IVD: variants seen among roughly 807,000 people sequenced by gnomAD.
The protein encoded by IVD is isovaleryl-CoA dehydrogenase, mitochondrial.
A neutral mutation model predicts 51.3 loss-of-function variants in IVD; 31 were observed. The observed-to-expected ratio is 0.60, with a 90% CI of 0.45 to 0.81. The LOEUF is 0.81. Ranked by LOEUF, IVD falls within the 40% of genes least tolerant of loss-of-function variation. The probability of loss-of-function intolerance (pLI) is 0.00; values close to 1 mark genes in which losing one functional copy is unlikely to be tolerated. For synonymous variants in IVD, 205 were observed against 219.4 expected (o/e 0.93, Z 0.58); for missense variants, 475 against 552.0 (o/e 0.86, Z 1.40).
chr15:40,409,294 G>A (rs764964997), intron 3 of IVD, among the ~76,000 whole-genome samples: 5 of 152,014 alleles, frequency 3.3e-5, no homozygotes, highest in African/African-American at 1.2e-4. Context: ...CGAGTGACTC[G>A]GGAGGCCAAG....
In IVD at chr15:40,418,636, G is replaced by A; in HGVS notation, c.*373G>A. 8.6e-7 allele frequency: 1 copy of A among 1,159,492 alleles called. No individual in the cohort carries two copies. The highest frequency in any genetic ancestry group is 1.6e-5 in the African/African-American group (1 of 61,644). The allele number at this position is 1,159,492 out of a possible 1,614,324, so 71.8% of individuals were successfully genotyped here. ...CAGGGTAGGCACCTGGGGGCATGCA[G>A]GTACCCACCTCTTTCTCTTGGGTGA... On this transcript the variant is annotated 3_prime_UTR_variant, in exon 12 of 12. Transcript: ENST00000487418.
downstream of IVD, among the ~76,000 whole-genome samples, chr15:40,426,614 T>C (rs550660734): frequency 5.7e-4 from 87 of 152,208 alleles, no homozygotes; most frequent in African/African-American, 2.1e-3. Flanking sequence ...CCTCAAGTCA[T>C]AGTCCCAGGA....
downstream of IVD, chr15:40,435,648 G>T: frequency 1.9e-6 from 2 of 1,050,188 alleles, no homozygotes; most frequent in Non-Finnish European, 2.3e-6. Flanking sequence ...TCCTTGGCAG[G>T]GTTTACAAAG....
chr15:40,409,091 A>G (rs917188133), intron 3 of IVD, among the ~76,000 whole-genome samples: 4 of 152,222 alleles, frequency 2.6e-5, no homozygotes, highest in Non-Finnish European at 5.9e-5. Context: ...AATTGAAACC[A>G]TCTTAATGTA....
In IVD at chr15:40,421,209, T is replaced by A. The variant is rs1369035932; in HGVS notation, c.*2946T>A. 1 of 985,374 alleles carries A rather than the reference T, an allele frequency of 1.0e-6. No individual in the cohort carries two copies. The highest frequency in any genetic ancestry group is 1.7e-5 in the African/African-American group (1 of 57,258). 61.0% of individuals were successfully genotyped at this position (985,374 alleles called of 1,614,324 possible). A position where few individuals can be genotyped will look rare whatever the true frequency, so the allele number is the denominator to read the frequency against. ...GCAAAATGGGGCGCTTCATCCAGTC[T>A]GTCTAAGCCCTGTCGACTTGGGGAG... On this transcript the variant is annotated 3_prime_UTR_variant, in exon 12 of 12. Coordinates refer to ENST00000487418, the MANE Select transcript of IVD (RefSeq NM_002225.5).
downstream of IVD, among the ~76,000 whole-genome samples, chr15:40,426,199 C>A (rs1032566638): frequency 1.3e-5 from 2 of 152,044 alleles, no homozygotes; most frequent in Non-Finnish European, 2.9e-5. Context: ...ATTGTCCATT[C>A]TACTGTCGAT....
chr15:40,428,561 C>T (rs1892797731), downstream of IVD, among the ~76,000 whole-genome samples: 1 of 152,132 alleles, frequency 6.6e-6, no homozygotes. Flanking sequence ...CTTCCATGGC[C>T]AAGCCGCCCA....
In IVD at chr15:40,420,511, G is replaced by T; in HGVS notation, c.*2248G>T. 4.1e-6 allele frequency: 4 copies of T among 987,620 alleles called. No homozygotes were observed. The highest frequency in any genetic ancestry group is 4.8e-6 in the Non-Finnish European group (4 of 830,124). 61.2% of individuals were successfully genotyped at this position (987,620 alleles called of 1,614,324 possible). On this transcript the variant is annotated 3_prime_UTR_variant, in exon 12 of 12. Coordinates refer to ENST00000487418, the MANE Select transcript of IVD (RefSeq NM_002225.5). The stretch of plus-strand genomic sequence containing the variant: ...TGTCTGGATCCAGCTTGTGTCCTTG[G>T]AGAGTGGCTGGCCCAGGTCCTATTC...
chr15:40,434,808 G>A (rs1052775008), intron 8 of IVD, among the ~76,000 whole-genome samples: 8 of 152,172 alleles, frequency 5.3e-5, no homozygotes, highest in African/African-American at 1.7e-4. Flanking sequence ...TCTGCTTCCC[G>A]GTGTCATGGG....
At position 40,419,890 on chromosome 15, in the gene IVD, C is replaced by G. The variant is rs966364545; in HGVS notation, c.*1627C>G. On this transcript the variant is annotated 3_prime_UTR_variant, in exon 12 of 12. Coordinates refer to ENST00000487418, the MANE Select transcript of IVD (RefSeq NM_002225.5). ...GGCCGAGGCGGGCAGATCACAAGGT[C>G]AGGAGTTCGAGACCAGCCTGACGAC... 3 of 152,896 alleles carry G rather than the reference C, an allele frequency of 2.0e-5. No homozygotes were observed. The highest frequency in any genetic ancestry group is 7.3e-5 in the African/African-American group (3 of 41,364). The allele number at this position is 152,896 out of a possible 1,614,324, so 9.5% of individuals were successfully genotyped here. A position where few individuals can be genotyped will look rare whatever the true frequency, so the allele number is the denominator to read the frequency against.
In IVD at chr15:40,407,690, G is replaced by C. The variant is rs199865931; in HGVS notation, c.199G>C (p.Glu67Gln). Residue 67 changes from glutamate to glutamine, a missense_variant, in exon 2 of 12, where the codon GAG becomes CAG. By Grantham distance (29) the Glu-to-Gln change is conservative. Transcript: ENST00000487418. ...LQEHLAPKAQ[E>Q]IDRSNEFKNL... ...GGAGCACCTGGCCCCCAAGGCCCAG[G>C]AGATCGATCGCAGCAATGAGTTCAA... 2 of 1,614,206 alleles carry C rather than the reference G, an allele frequency of 1.2e-6. No individual in the cohort carries two copies. Among genetic ancestry groups the C allele is most frequent in the South Asian group, 1.1e-5 (1 of 91,070 alleles).
chr15:40,417,757 G>A (rs1216944551), intron 11 of IVD, among the ~76,000 whole-genome samples: 3 of 152,200 alleles, frequency 2.0e-5, no homozygotes, highest in African/African-American at 4.8e-5. Flanking sequence ...AGTGGCCCCA[G>A]ATTGCAAGAG....
intron 7 of IVD, among the ~76,000 whole-genome samples, chr15:40,430,397 G>A (rs939486801): frequency 3.3e-5 from 5 of 152,218 alleles, no homozygotes; most frequent in African/African-American, 9.7e-5. Context: ...GACTGAGCCC[G>A]AGAGATGAGA....
At chr15:40,428,557 T>C (rs1892797582), downstream of IVD, among the ~76,000 whole-genome samples, 1 of 152,130 alleles carries the variant, frequency 6.6e-6, no homozygotes, top group African/African-American at 2.4e-5. Flanking sequence ...TCTCCTTCCA[T>C]GGCCAAGCCG....
At chr15:40,414,796 A>C in intron 7 of IVD, 93 bp from the exon 8 acceptor site, 3 of 1,565,560 alleles carry the variant, frequency 1.9e-6, no homozygotes, top group Non-Finnish European at 2.6e-6. Context: ...TTAGTGCCTT[A>C]CTTGAGAGCC....
downstream of IVD, among the ~76,000 whole-genome samples, chr15:40,429,340 G>T (rs988765283): frequency 2.0e-5 from 3 of 152,240 alleles, no homozygotes; most frequent in African/African-American, 7.2e-5. Context: ...CTGAGGGACT[G>T]TTATGTCCCA....
At chr15:40,407,842 C>T (rs1890625841) in intron 2 of IVD, 97 bp from the exon 3 acceptor site, 1 of 1,457,738 alleles carries the variant, frequency 6.9e-7, no homozygotes, top group Non-Finnish European at 9.6e-7. Context: ...GAATGCAGCC[C>T]CTCTCTCTGA....
At chr15:40,415,030 G>T in intron 8 of IVD, 48 bp downstream of exon 8, 1 of 1,602,642 alleles carries the variant, frequency 6.2e-7, no homozygotes. Context: ...GGCCTCCTCG[G>T]CAGGTGACCC....
downstream of IVD, among the ~76,000 whole-genome samples, chr15:40,422,543 A>G (rs1180387164): frequency 7.2e-5 from 10 of 139,192 alleles, no homozygotes; most frequent in African/African-American, 2.7e-4. Flanking sequence ...TCGGCCTCCC[A>G]AAGTGCTGGG....
Sources: gnomAD v4.1 joint callset for allele counts (sites outside exome capture counted in the v4.1 genomes callset) on GRCh38, gnomAD v4.1.1 for gene constraint, MANE v1.5 for transcripts, NCBI Gene and HGNC (gene_info 2026-07-23, HGNC 2026-07-21) for gene names.